Variants in SH3BGRL2 observed in about 807,000 individuals in gnomAD.
The protein encoded by SH3BGRL2 is SH3 domain-binding glutamic acid-rich-like protein 2.
In SH3BGRL2, 21 loss-of-function variants were observed where a neutral mutation model predicts 14.8. The ratio of observed to expected loss-of-function variants is 1.42; its 90% CI spans 1.01 to 2.05. SH3BGRL2 has a LOEUF of 2.05. Ranked by LOEUF, SH3BGRL2 falls within the 30% of genes most tolerant of loss-of-function variation. SH3BGRL2 has a pLI of 0.00. For missense variants in SH3BGRL2, 147 were observed against 130.8 expected (o/e 1.12, Z -0.61); for synonymous variants, 50 against 47.8 (o/e 1.05, Z -0.19).
the SH3BGRL2 span, among the ~76,000 whole-genome samples, chr6:79,568,209 A>G: frequency 6.6e-6 from 1 of 152,166 alleles, no homozygotes; most frequent in African/African-American, 2.4e-5. Context: ...GCAATTCCAC[A>G]TGTAGGTATA....
At chr6:79,660,724 C>T (rs1449497035) in intron 1 of SH3BGRL2, among the ~76,000 whole-genome samples, 1 of 152,124 alleles carries the variant, frequency 6.6e-6, no homozygotes, top group African/African-American at 2.4e-5. Flanking sequence ...GTACCAGCTC[C>T]TCTTTGTACC....
chr6:79,669,356 A>G (rs1769724894), intron 1 of SH3BGRL2, among the ~76,000 whole-genome samples: 1 of 151,912 alleles, frequency 6.6e-6, no homozygotes, highest in South Asian at 2.1e-4. Flanking sequence ...AAAGTTCCCT[A>G]TCTCACAGGC....
chr6:79,588,348 T>C, the SH3BGRL2 span, among the ~76,000 whole-genome samples: 1 of 140,312 alleles, frequency 7.1e-6, no homozygotes, highest in South Asian at 2.2e-4. Flanking sequence ...AACTAGGAAA[T>C]ATAGGGGGAA....
At chr6:79,590,198 G>T in the SH3BGRL2 span, among the ~76,000 whole-genome samples, 1 of 151,864 alleles carries the variant, frequency 6.6e-6, no homozygotes, top group African/African-American at 2.4e-5. Flanking sequence ...ATACACCAAT[G>T]GTGGGAATGC....
chr6:79,538,043 T>G, the SH3BGRL2 span, among the ~76,000 whole-genome samples: 1 of 127,984 alleles, frequency 7.8e-6, no homozygotes, highest in East Asian at 2.0e-4. Context: ...TTTTTTTTTT[T>G]TTTTTTTTTT....
the SH3BGRL2 span, among the ~76,000 whole-genome samples, chr6:79,542,297 CA>C: frequency 2.2e-4 from 33 of 149,396 alleles, no homozygotes; most frequent in African/African-American, 7.6e-4. Flanking sequence ...GACAGGGTTT[CA>C]CTCTTGTTGC....
chr6:79,577,319 T>TCC, the SH3BGRL2 span, among the ~76,000 whole-genome samples: 2 of 152,208 alleles, frequency 1.3e-5, no homozygotes, highest in Non-Finnish European at 2.9e-5. Context: ...GTTCTTCTCC[T>TCC]TTTTTCTCCT....
the SH3BGRL2 span, among the ~76,000 whole-genome samples, chr6:79,579,872 G>T: frequency 6.6e-6 from 1 of 152,188 alleles, no homozygotes; most frequent in Non-Finnish European, 1.5e-5. Flanking sequence ...ATAGAGTCAA[G>T]ACTCATCAGT....
chr6:79,632,603 A>G (rs539601556), intron 1 of SH3BGRL2, among the ~76,000 whole-genome samples: 2 of 152,356 alleles, frequency 1.3e-5, no homozygotes, highest in Non-Finnish European at 2.9e-5. Context: ...CTTGTACACC[A>G]CTGAAGTTTT....
chr6:79,608,482 A>AAGAAACGTGTTT, the SH3BGRL2 span, among the ~76,000 whole-genome samples: 5 of 152,124 alleles, frequency 3.3e-5, no homozygotes, highest in African/African-American at 9.7e-5. Context: ...TTCTGTAGAC[A>AAGAAACGTGTTT]AGAAACGTGT....
At chr6:79,609,094 C>T in the SH3BGRL2 span, among the ~76,000 whole-genome samples, 1 of 152,160 alleles carries the variant, frequency 6.6e-6, no homozygotes, top group Admixed American at 6.5e-5. Context: ...ACTAAACATA[C>T]ATTGACTGTT....
intron 1 of SH3BGRL2, among the ~76,000 whole-genome samples, chr6:79,637,808 T>G (rs1768956248): frequency 6.6e-6 from 1 of 152,236 alleles, no homozygotes; most frequent in African/African-American, 2.4e-5. Flanking sequence ...CCTGAAATTC[T>G]CATTGACCCA....
At chr6:79,672,903 T>G (rs1769801270) in intron 1 of SH3BGRL2, among the ~76,000 whole-genome samples, 1 of 152,156 alleles carries the variant, frequency 6.6e-6, no homozygotes, top group Admixed American at 6.5e-5. Flanking sequence ...AAGATGATAT[T>G]CTTTGTTTAC....
At chr6:79,615,495 C>A in the SH3BGRL2 span, among the ~76,000 whole-genome samples, 1 of 152,236 alleles carries the variant, frequency 6.6e-6, no homozygotes, top group South Asian at 2.1e-4. Flanking sequence ...GGTTCTACAC[C>A]TTTACAAGAT....
In SH3BGRL2 at chr6:79,646,453, T is replaced by C. The variant is rs183050786; in HGVS notation, c.45+14947T>C. Among the ~76,000 whole-genome samples, 255 of 152,384 alleles carry C rather than the reference T, an allele frequency of 1.7e-3. 6 individuals are homozygous for C. In the South Asian group the frequency reaches 0.049, roughly 29 times the overall value. ...GGAGACTTGGAATCTGGTTCTGGCG[T>C]TGCCATTTAATCAGCTTTATGTCTT... On this transcript the variant is annotated intron_variant, in intron 1 of 3. Transcript: ENST00000369838.
At chr6:79,640,637 G>A (rs960381323) in intron 1 of SH3BGRL2, among the ~76,000 whole-genome samples, 1 of 152,088 alleles carries the variant, frequency 6.6e-6, no homozygotes, top group Admixed American at 6.6e-5. Context: ...TTGTTTCCTG[G>A]AGCTGACCCC....
At chr6:79,661,271 A>G (rs957766477) in intron 1 of SH3BGRL2, among the ~76,000 whole-genome samples, 42 of 152,228 alleles carry the variant, frequency 2.8e-4, no homozygotes, top group African/African-American at 8.9e-4. Flanking sequence ...GGCATTTAGT[A>G]CTATAAATTT....
intron 3 of SH3BGRL2, among the ~76,000 whole-genome samples, chr6:79,697,967 A>G (rs79483486): frequency 0.1 from 15,423 of 152,204 alleles, 1,057 homozygotes; most frequent in Non-Finnish European, 0.15. Flanking sequence ...AAAGAAATGT[A>G]TTTTCTCACC....
chr6:79,647,289 A>G (rs938006515), intron 1 of SH3BGRL2, among the ~76,000 whole-genome samples: 1 of 151,880 alleles, frequency 6.6e-6, no homozygotes, highest in Admixed American at 6.6e-5. Flanking sequence ...CCTAATGACT[A>G]ATAATGTTGT....
Sources: allele counts gnomAD v4.1 joint callset (sites outside exome capture counted in the v4.1 genomes callset), GRCh38; gene constraint gnomAD v4.1.1; transcripts MANE v1.5; gene names NCBI Gene and HGNC (gene_info 2026-07-23, HGNC 2026-07-21).